The following ZMPSTE24 variants were observed in gnomAD, a reference collection of about 807,000 sequenced individuals.
The protein encoded by ZMPSTE24 is zinc metallopeptidase STE24.
A neutral mutation model predicts 56.7 loss-of-function variants in ZMPSTE24; 48 were observed. The observed-to-expected ratio is 0.85, with a 90% CI of 0.67 to 1.08. The LOEUF (loss-of-function observed/expected upper bound fraction) is 1.08. Among genes scored for constraint, ZMPSTE24 ranks in the 50% least tolerant of loss-of-function variants. ZMPSTE24 has a pLI of 0.00. For missense variants in ZMPSTE24, 503 were observed against 548.7 expected, an observed-to-expected ratio of 0.92 and a Z score of 0.83; for synonymous variants, 172 against 195.2, an observed-to-expected ratio of 0.88 and a Z score of 0.99.
rs541137467 is a variant in ZMPSTE24 at position 40,261,006 on chromosome 1, A to T, written c.270+21A>T. 34 of 1,613,928 alleles carry T rather than the reference A, an allele frequency of 2.1e-5. 1 individual carries two copies. In the South Asian group the frequency reaches 3.5e-4, roughly 17 times the overall value. On this transcript the variant is annotated intron_variant, in intron 2 of 9. Transcript: ENST00000372759. ...GCACTGTGAGTAATTTACTTCTTGG[A>T]GAGACAGTCTGTCTGGTTGTTTTCA...
chr1:40,259,014 C>T (rs984340100), intron 1 of ZMPSTE24, among the ~76,000 whole-genome samples: 5 of 151,918 alleles, frequency 3.3e-5, no homozygotes, highest in East Asian at 1.9e-4. Context: ...AAAAATTAGC[C>T]GGGTGTGGTG....
At chr1:40,280,441 G>A (rs1359027488) in intron 6 of ZMPSTE24, among the ~76,000 whole-genome samples, 2 of 145,366 alleles carry the variant, frequency 1.4e-5, no homozygotes, top group African/African-American at 2.5e-5. Flanking sequence ...TTCTTTCTTT[G>A]TGAGACAGAG....
rs1643513460 is a variant in ZMPSTE24, at chr1:40,262,870, TGAA to T, written c.270+1890_270+1892del. 45 of 1,170,212 alleles carry T rather than the reference TGAA, an allele frequency of 3.8e-5. No homozygotes were observed. The South Asian group carries it at 7.8e-4, about 20-fold the overall frequency. 72.5% of individuals were successfully genotyped at this position (1,170,212 alleles called of 1,614,324 possible). Reference sequence around the variant, plus strand: ...TGTTGAACAACTTAACAACACTACCTGAAGAAGTAATACTCAAGAGTTCTTGTT... The same window carrying T: ...TGTTGAACAACTTAACAACACTACCTGAAGTAATACTCAAGAGTTCTTGTT... On this transcript the variant is annotated intron_variant, in intron 2 of 9. Coordinates refer to ENST00000372759, the MANE Select transcript of ZMPSTE24 (RefSeq NM_005857.5).
chr1:40,294,140 T>A lies in ZMPSTE24; in HGVS notation c.*1471T>A, dbSNP rs1184626052. On this transcript the variant is annotated 3_prime_UTR_variant, in exon 10 of 10. Transcript: ENST00000372759. ...TGTGCCTTTGAATACAAATTTCAGTTCTGCAAAAGTGAAACATTAAACATT... is the reference window on the plus strand; with the variant it reads ...TGTGCCTTTGAATACAAATTTCAGTACTGCAAAAGTGAAACATTAAACATT... The A allele has an allele frequency of 6.5e-6, 1 of 152,682 alleles. No homozygotes were observed. Among genetic ancestry groups the A allele is most frequent in the Non-Finnish European group, 1.5e-5 (1 of 68,046 alleles). 9.5% of individuals were successfully genotyped at this position (152,682 alleles called of 1,614,324 possible).
chr1:40,271,869 T>A, intron 5 of ZMPSTE24, 25 bp from the exon 6 acceptor site: 1 of 1,612,120 alleles, frequency 6.2e-7, no homozygotes, highest in Non-Finnish European at 8.5e-7. Context: ...CATGTTCATA[T>A]GTTATTCTGA....
chr1:40,262,339 A>G (rs1467853074), intron 2 of ZMPSTE24, among the ~76,000 whole-genome samples: 1 of 152,222 alleles, frequency 6.6e-6, no homozygotes. Context: ...AAATTAATAA[A>G]TGATTTGGAA....
chr1:40,282,026 T>C (rs1643735558), intron 7 of ZMPSTE24, among the ~76,000 whole-genome samples: 1 of 152,230 alleles, frequency 6.6e-6, no homozygotes, highest in African/African-American at 2.4e-5. Flanking sequence ...TTAGTCTGTT[T>C]TATTTGTTTA....
At chr1:40,258,880 C>T (rs1212665707) in intron 1 of ZMPSTE24, among the ~76,000 whole-genome samples, 1 of 152,076 alleles carries the variant, frequency 6.6e-6, no homozygotes, top group Non-Finnish European at 1.5e-5. Context: ...TTATCGGGCC[C>T]GGCGTGGTGT....
intron 8 of ZMPSTE24, among the ~76,000 whole-genome samples, chr1:40,289,139 T>C (rs1211418828): frequency 6.6e-6 from 1 of 152,228 alleles, no homozygotes; most frequent in African/African-American, 2.4e-5. Context: ...TTGTTGGTGG[T>C]AGGAGTTGGT....
chr1:40,269,287 T>G (rs1247328116), intron 4 of ZMPSTE24, among the ~76,000 whole-genome samples: 2 of 151,700 alleles, frequency 1.3e-5, no homozygotes, highest in East Asian at 3.9e-4. Flanking sequence ...CCCAGCTACT[T>G]GGGAGGCTAA....
chr1:40,290,653 G>A (rs1643832191), intron 8 of ZMPSTE24: 4 of 468,760 alleles, frequency 8.5e-6, no homozygotes, highest in South Asian at 6.3e-5. Context: ...TAGTAGAGAC[G>A]GGGTTTCACC....
chr1:40,292,739 T>G lies in ZMPSTE24; in HGVS notation c.*70T>G. The G allele has an allele frequency of 1.3e-6, 2 of 1,497,414 alleles. No homozygotes were observed. Among genetic ancestry groups the G allele is most frequent in the South Asian group, 2.4e-5 (2 of 85,036 alleles). The allele number at this position is 1,497,414 out of a possible 1,614,324, so 92.8% of individuals were successfully genotyped here. The stretch of plus-strand genomic sequence containing the variant: ...CCTGGCAGCATGTTCCAGCTCTTGA[T>G]GTTTTTAAACTTTTTTTTAGAAGAA... On this transcript the variant is annotated 3_prime_UTR_variant, in exon 10 of 10. Coordinates refer to ENST00000372759, the MANE Select transcript of ZMPSTE24 (RefSeq NM_005857.5).
chr1:40,282,341 G>A (rs900018055), intron 7 of ZMPSTE24, among the ~76,000 whole-genome samples: 1 of 152,194 alleles, frequency 6.6e-6, no homozygotes, highest in African/African-American at 2.4e-5. Context: ...CTAAATGGGG[G>A]AGAGGGGACA....
At chr1:40,271,387 C>G (rs1042482547) in intron 5 of ZMPSTE24, among the ~76,000 whole-genome samples, 1 of 152,142 alleles carries the variant, frequency 6.6e-6, no homozygotes, top group South Asian at 2.1e-4. Flanking sequence ...TCTAAAAATG[C>G]TTAAGGAAGT....
intron 6 of ZMPSTE24, among the ~76,000 whole-genome samples, chr1:40,274,113 G>T (rs1392389074): frequency 6.6e-6 from 1 of 152,108 alleles, no homozygotes; most frequent in Non-Finnish European, 1.5e-5. Flanking sequence ...CAGATTACCA[G>T]TGCTGGGCTT....
intron 2 of ZMPSTE24, chr1:40,262,742 G>T (rs1015059629): frequency 1.1e-6 from 1 of 925,042 alleles, no homozygotes; most frequent in Non-Finnish European, 1.4e-6. Flanking sequence ...CCATTGCTTG[G>T]TAAGTGTATT....
At chr1:40,260,816 G>T in intron 1 of ZMPSTE24, 23 bp from the exon 2 acceptor site, 1 of 1,607,724 alleles carries the variant, frequency 6.2e-7, no homozygotes, top group Non-Finnish European at 8.5e-7. Flanking sequence ...TTTCACTAAA[G>T]TGTTTTCTTT....
chr1:40,278,932 T>C (rs572670799), intron 6 of ZMPSTE24, among the ~76,000 whole-genome samples: 1 of 152,306 alleles, frequency 6.6e-6, no homozygotes, highest in African/African-American at 2.4e-5. Context: ...GAGAATTGCT[T>C]GAGCCCAGGA....
intron 6 of ZMPSTE24, among the ~76,000 whole-genome samples, chr1:40,274,244 TATA>T (rs1338490800): frequency 6.6e-6 from 1 of 152,240 alleles, no homozygotes; most frequent in Non-Finnish European, 1.5e-5. Context: ...TTTACTCACC[TATA>T]ATGTATGTTT....
Sources: allele counts gnomAD v4.1 joint callset (sites outside exome capture counted in the v4.1 genomes callset), GRCh38; gene constraint gnomAD v4.1.1; transcripts MANE v1.5; gene names NCBI Gene and HGNC (gene_info 2026-07-23, HGNC 2026-07-21).